DAAM1: variants seen among roughly 807,000 people sequenced by gnomAD.
DAAM1 encodes disheveled-associated activator of morphogenesis 1.
Under a neutral mutation model 130.0 loss-of-function variants are expected in DAAM1, and 52 were observed. That is an observed-to-expected ratio of 0.40 (90% confidence interval 0.32 to 0.50). The LOEUF is 0.50. Among genes scored for constraint, DAAM1 ranks in the 20% least tolerant of loss-of-function variants. The pLI, the probability that DAAM1 is intolerant of heterozygous loss-of-function variation, is 0.61. For missense variants in DAAM1, 1,134 were observed against 1,303.8 expected (o/e 0.87, Z 2.01); for synonymous variants, 452 against 444.5 (o/e 1.02, Z -0.21).
chr14:59,355,066 T>A, intron 19 of DAAM1, 99 bp from the exon 20 acceptor site: 1 of 1,452,940 alleles, frequency 6.9e-7, no homozygotes, highest in East Asian at 2.3e-5. Context: ...TCAATATCTG[T>A]TATTAAGTGT....
chr14:59,355,637 T>C (rs1216903284), intron 20 of DAAM1, among the ~76,000 whole-genome samples: 1 of 152,190 alleles, frequency 6.6e-6, no homozygotes, highest in Non-Finnish European at 1.5e-5. Context: ...AAATTATTTT[T>C]TGTAAACTTT....
chr14:59,348,999 T>A lies in DAAM1; in HGVS notation c.2160+1376T>A, dbSNP rs200596437. Among the ~76,000 whole-genome samples, 14 of 152,364 alleles carry A rather than the reference T, an allele frequency of 9.2e-5. No homozygotes were observed. The East Asian group carries it at 2.7e-3, about 29-fold the overall frequency. ...CAAGTCTCTTGGGGTTCTCTGTGTA[T>A]GAACGGTTTAAAAGTATCTCCTGAA... is the stretch of plus-strand genomic sequence containing the variant. On this transcript the variant is annotated intron_variant, in intron 17 of 24. Transcript: ENST00000360909.
At chr14:59,204,460 T>C (rs553615576) in intron 1 of DAAM1, among the ~76,000 whole-genome samples, 1 of 152,334 alleles carries the variant, frequency 6.6e-6, no homozygotes, top group South Asian at 2.1e-4. Flanking sequence ...TTTTTTTCCC[T>C]GCAATCAGCT....
intron 1 of DAAM1, among the ~76,000 whole-genome samples, chr14:59,252,017 C>T (rs1364213167): frequency 6.6e-6 from 1 of 152,174 alleles, no homozygotes; most frequent in Admixed American, 6.5e-5. Flanking sequence ...TGTGGAGAGA[C>T]TCAAGCTCTA....
Position 59,324,424 on chromosome 14 carries a change from T to A in DAAM1, c.959T>A (p.Leu320Ter). The A allele has an allele frequency of 6.3e-7, 1 of 1,593,204 alleles. No individual in the cohort carries two copies. Residue 320 changes from leucine (L) to a stop codon, truncating the protein, a stop_gained, in exon 8 of 25, where the codon TTA (leucine) becomes TAA (stop). Coordinates refer to ENST00000360909, the MANE Select transcript of DAAM1 (RefSeq NM_001270520.2). LOFTEE classifies it high-confidence loss of function. ...MLGIQPVIDK[L>*]REHENSTLDR... Reference sequence around the variant, plus strand: ...GGAATTCAACCTGTAATAGATAAATTAAGGGAACACGAAAATTCAACATTA... The same window carrying A: ...GGAATTCAACCTGTAATAGATAAATAAAGGGAACACGAAAATTCAACATTA...
chr14:59,299,405 A>G (rs1177504786), intron 3 of DAAM1, among the ~76,000 whole-genome samples: 1 of 152,172 alleles, frequency 6.6e-6, no homozygotes, highest in Non-Finnish European at 1.5e-5. Context: ...ATGTAATAAT[A>G]TGGTTTAGTA....
chr14:59,225,209 G>C (rs1009279904), intron 1 of DAAM1, among the ~76,000 whole-genome samples: 6 of 151,850 alleles, frequency 4.0e-5, no homozygotes, highest in African/African-American at 1.5e-4. Flanking sequence ...TGTATTTTTA[G>C]TGGAGACGGG....
At chr14:59,262,408 C>G (rs1320464000) in intron 1 of DAAM1, among the ~76,000 whole-genome samples, 1 of 151,842 alleles carries the variant, frequency 6.6e-6, no homozygotes, top group Non-Finnish European at 1.5e-5. Flanking sequence ...AAAACATACC[C>G]TCTATCATCA....
intron 2 of DAAM1, chr14:59,263,923 G>A (rs1882307879): frequency 7.9e-6 from 4 of 507,022 alleles, no homozygotes; most frequent in Non-Finnish European, 1.4e-5. Flanking sequence ...CTTCAAATAT[G>A]TGGCAGTACT....
intron 1 of DAAM1, among the ~76,000 whole-genome samples, chr14:59,257,461 T>C (rs540078843): frequency 6.6e-6 from 1 of 151,538 alleles, no homozygotes; most frequent in South Asian, 2.1e-4. Flanking sequence ...ACTGAAGGCC[T>C]ACAAAGCAGC....
intron 15 of DAAM1, among the ~76,000 whole-genome samples, chr14:59,333,659 AAT>A (rs1194618728): frequency 2.0e-5 from 3 of 152,196 alleles, no homozygotes; most frequent in Non-Finnish European, 4.4e-5. Context: ...CTGGTTGCCT[AAT>A]ATGAAGATTT....
At chr14:59,319,153 G>A (rs1884906583) in intron 4 of DAAM1, among the ~76,000 whole-genome samples, 1 of 152,156 alleles carries the variant, frequency 6.6e-6, no homozygotes, top group Admixed American at 6.5e-5. Context: ...TTCATTGGCT[G>A]TCTCTGCACC....
At chr14:59,270,377 T>C (rs1370073490) in intron 2 of DAAM1, among the ~76,000 whole-genome samples, 1 of 152,058 alleles carries the variant, frequency 6.6e-6, no homozygotes, top group East Asian at 1.9e-4. Flanking sequence ...GAAGCAATGG[T>C]GGTGGGGTGG....
intron 19 of DAAM1, among the ~76,000 whole-genome samples, chr14:59,354,358 C>A (rs1886398408): frequency 1.3e-5 from 2 of 152,166 alleles, no homozygotes; most frequent in Non-Finnish European, 2.9e-5. Context: ...CTGCGCCTGG[C>A]CTGGTGATTT....
intron 3 of DAAM1, chr14:59,299,626 T>C (rs1461057101): frequency 1.3e-5 from 2 of 152,158 alleles, no homozygotes; most frequent in African/African-American, 2.4e-5. Context: ...GGCAGGATAT[T>C]TCAGAGGCAG....
intron 1 of DAAM1, among the ~76,000 whole-genome samples, chr14:59,189,082 G>A (rs1020822845): frequency 6.6e-6 from 1 of 152,186 alleles, no homozygotes; most frequent in African/African-American, 2.4e-5. Flanking sequence ...TTTCTAAGGC[G>A]CCCGGCTGGC....
At chr14:59,238,010 G>A (rs956353253) in intron 1 of DAAM1, among the ~76,000 whole-genome samples, 2 of 152,202 alleles carry the variant, frequency 1.3e-5, no homozygotes, top group African/African-American at 4.8e-5. Flanking sequence ...AGGCACAAAT[G>A]ATTCAGGTTA....
intron 1 of DAAM1, among the ~76,000 whole-genome samples, chr14:59,236,236 T>C (rs941887): frequency 0.98 from 149,603 of 152,054 alleles, 73,641 homozygotes; most frequent in East Asian, 1. Context: ...GAAGTTGTAG[T>C]AGAATGACTA....
intron 1 of DAAM1, among the ~76,000 whole-genome samples, chr14:59,206,344 C>T (rs576614963): frequency 1.1e-4 from 16 of 152,158 alleles, no homozygotes; most frequent in African/African-American, 2.9e-4. Flanking sequence ...GGTGCGATCT[C>T]GGCTCACTGC....
Sources: allele counts gnomAD v4.1 joint callset (sites outside exome capture counted in the v4.1 genomes callset), GRCh38; gene constraint gnomAD v4.1.1; transcripts MANE v1.5; gene names NCBI Gene and HGNC (gene_info 2026-07-23, HGNC 2026-07-21).